The following PCDH9 variants were observed in gnomAD, a reference collection of about 807,000 sequenced individuals.
PCDH9 encodes the protein protocadherin 9, also known as protocadherin-9.
Under a neutral mutation model 70.6 loss-of-function variants are expected in PCDH9, and 24 were observed. The observed-to-expected ratio is 0.34, with a 90% CI of 0.25 to 0.48. The LOEUF is 0.48. Among genes scored for constraint, PCDH9 ranks in the 20% least tolerant of loss-of-function variants. The pLI is 0.99. For synonymous variants in PCDH9, 562 were observed against 558.5 expected, an observed-to-expected ratio of 1.01 and a Z score of -0.09; for missense variants, 1,281 against 1,503.6, an observed-to-expected ratio of 0.85 and a Z score of 2.45.
chr13:66,560,103 T>C (rs752911810), intron 4 of PCDH9, among the ~76,000 whole-genome samples: 3 of 151,936 alleles, frequency 2.0e-5, no homozygotes, highest in South Asian at 2.1e-4. Flanking sequence ...GTGGACTCCA[T>C]TGGACCACAG....
At chr13:66,404,117 G>A (rs970171486) in intron 4 of PCDH9, among the ~76,000 whole-genome samples, 4 of 152,146 alleles carry the variant, frequency 2.6e-5, no homozygotes, top group African/African-American at 9.7e-5. Context: ...TCTAAAAGTA[G>A]AATATCTGAT....
chr13:66,519,697 A>C (rs1959902547), intron 4 of PCDH9, among the ~76,000 whole-genome samples: 1 of 152,136 alleles, frequency 6.6e-6, no homozygotes, highest in South Asian at 2.1e-4. Flanking sequence ...TGATCCTGAT[A>C]CGATGAAAGA....
intron 4 of PCDH9, among the ~76,000 whole-genome samples, chr13:66,478,866 A>G (rs1405881512): frequency 6.6e-6 from 1 of 152,250 alleles, no homozygotes; most frequent in Non-Finnish European, 1.5e-5. Context: ...ATAATTGATG[A>G]CAATGGCTAC....
intron 4 of PCDH9, among the ~76,000 whole-genome samples, chr13:66,629,677 G>A (rs2138929503): frequency 6.6e-6 from 1 of 152,260 alleles, no homozygotes; most frequent in East Asian, 1.9e-4. Context: ...CCAAGGTATA[G>A]GACATGAAAT....
intron 4 of PCDH9, among the ~76,000 whole-genome samples, chr13:66,465,553 T>A (rs1958500586): frequency 6.6e-6 from 1 of 151,908 alleles, no homozygotes; most frequent in Admixed American, 6.6e-5. Context: ...CGTCTAGTTT[T>A]ATTCACATCA....
chr13:66,577,423 A>G (rs1265254608), intron 4 of PCDH9, among the ~76,000 whole-genome samples: 1 of 151,930 alleles, frequency 6.6e-6, no homozygotes, highest in African/African-American at 2.4e-5. Flanking sequence ...TTGTTTCATT[A>G]ATGACATTAA....
intron 3 of PCDH9, among the ~76,000 whole-genome samples, chr13:66,894,033 A>G (rs2082136973): frequency 6.6e-6 from 1 of 152,138 alleles, no homozygotes; most frequent in South Asian, 2.1e-4. Context: ...TCTAATATTC[A>G]ATTTCAAACT....
At chr13:67,172,699 GA>G (rs1277303203) in intron 2 of PCDH9, among the ~76,000 whole-genome samples, 1 of 151,892 alleles carries the variant, frequency 6.6e-6, no homozygotes, top group African/African-American at 2.4e-5. Context: ...CCAAAAAGGG[GA>G]AACCCCATCT....
At chr13:66,486,376 G>A (rs1307419275) in intron 4 of PCDH9, among the ~76,000 whole-genome samples, 1 of 152,054 alleles carries the variant, frequency 6.6e-6, no homozygotes, top group Admixed American at 6.6e-5. Context: ...AGGATTGCTT[G>A]AGCCTAGGAG....
intron 2 of PCDH9, among the ~76,000 whole-genome samples, chr13:66,964,446 C>T (rs2083399438): frequency 6.6e-6 from 1 of 151,962 alleles, no homozygotes; most frequent in Non-Finnish European, 1.5e-5. Flanking sequence ...TATTGCATTC[C>T]TTGGCTTTGA....
In PCDH9 at chr13:66,950,986, C is replaced by A. The variant is rs1017802318; in HGVS notation, c.3037-47381G>T. 4.6e-5 allele frequency among the ~76,000 whole-genome samples: 7 copies of A among 151,928 alleles called. No homozygotes were observed. In the East Asian group the frequency reaches 1.4e-3, roughly 29 times the overall value. On this transcript the variant is annotated intron_variant, in intron 2 of 4. Transcript: ENST00000377865. ...AAGCAAAAAAAAAATTGAATTTTAT[C>A]ATTTAATTTATTTTTCTCAATGTTT...
chr13:66,961,372 C>T (rs2083342881), intron 2 of PCDH9, among the ~76,000 whole-genome samples: 1 of 152,090 alleles, frequency 6.6e-6, no homozygotes, highest in Admixed American at 6.6e-5. Context: ...AGACCCATCA[C>T]CTGATGCTAA....
At chr13:66,927,364 G>C (rs924660764) in intron 2 of PCDH9, among the ~76,000 whole-genome samples, 1 of 151,906 alleles carries the variant, frequency 6.6e-6, no homozygotes, top group Non-Finnish European at 1.5e-5. Context: ...TAGAGGGAAC[G>C]ACACACACTG....
At chr13:66,845,004 G>A (rs746917373) in intron 3 of PCDH9, among the ~76,000 whole-genome samples, 10 of 152,076 alleles carry the variant, frequency 6.6e-5, no homozygotes, top group Non-Finnish European at 1.2e-4. Context: ...TTTTTTACGG[G>A]TTTCAGAGGG....
At chr13:66,507,718 G>C (rs958129101) in intron 4 of PCDH9, among the ~76,000 whole-genome samples, 1 of 151,592 alleles carries the variant, frequency 6.6e-6, no homozygotes. Context: ...TTGTTTGTTT[G>C]TTTGTTTGTT....
rs2079498021 is a variant in PCDH9, at chr13:66,753,857, C to T, written c.3139-122446G>A. Among the ~76,000 whole-genome samples, 5 of 152,158 alleles carry T rather than the reference C, an allele frequency of 3.3e-5. No homozygotes were observed. In the South Asian group the frequency reaches 1.0e-3, roughly 32 times the overall value. On this transcript the variant is annotated intron_variant, in intron 3 of 4. Transcript: ENST00000377865. ...TAAGGTACCTAATCAAATCAAGTGACAAAAACACACATGGGGATGAATAAA... is the reference window on the plus strand; with the variant it reads ...TAAGGTACCTAATCAAATCAAGTGATAAAAACACACATGGGGATGAATAAA...
intron 4 of PCDH9, among the ~76,000 whole-genome samples, chr13:66,380,208 GT>G (rs963499500): frequency 1.3e-5 from 2 of 152,096 alleles, no homozygotes; most frequent in African/African-American, 4.8e-5. Flanking sequence ...AATATATTGT[GT>G]TTTTTAAATA....
intron 4 of PCDH9, among the ~76,000 whole-genome samples, chr13:66,617,615 G>A (rs529344251): frequency 6.6e-6 from 1 of 152,226 alleles, no homozygotes; most frequent in Admixed American, 6.5e-5. Context: ...AAACAGTAAA[G>A]TTTTTTTAAC....
chr13:66,369,753 A>G (rs954723213), intron 4 of PCDH9, among the ~76,000 whole-genome samples: 6 of 152,242 alleles, frequency 3.9e-5, no homozygotes, highest in Admixed American at 3.9e-4. Flanking sequence ...AATATGGTAT[A>G]TGGTGAAGGC....
Sources: gnomAD v4.1 joint callset for allele counts (sites outside exome capture counted in the v4.1 genomes callset) on GRCh38, gnomAD v4.1.1 for gene constraint, MANE v1.5 for transcripts, NCBI Gene and HGNC (gene_info 2026-07-23, HGNC 2026-07-21) for gene names.